PCDH7: variants seen among roughly 807,000 people sequenced by gnomAD.
PCDH7 encodes protocadherin-7.
A neutral mutation model predicts 58.9 loss-of-function variants in PCDH7; 17 were observed. That is an observed-to-expected ratio of 0.29 (90% CI 0.20 to 0.43). The LOEUF is 0.43. PCDH7 is among the 20% of genes least tolerant of loss of function. PCDH7 has a pLI of 1.00. For synonymous variants in PCDH7, 664 were observed against 616.4 expected (o/e 1.08, Z -1.14); for missense variants, 1,274 against 1,441.0 (o/e 0.88, Z 1.88).
intron 2 of PCDH7, chr4:30,935,309 C>A: frequency 1.0e-6 from 1 of 973,850 alleles, no homozygotes; most frequent in Non-Finnish European, 1.2e-6. Context: ...TTCTTACCTC[C>A]AGAAATGTTT....
At chr4:30,754,677 T>C (rs187350666) in intron 1 of PCDH7, among the ~76,000 whole-genome samples, 1 of 152,332 alleles carries the variant, frequency 6.6e-6, no homozygotes. Flanking sequence ...GACACACAGA[T>C]ACCCTTCTAA....
intron 3 of PCDH7, among the ~76,000 whole-genome samples, chr4:30,985,037 G>A (rs941962828): frequency 2.6e-5 from 4 of 152,084 alleles, no homozygotes; most frequent in Non-Finnish European, 2.9e-5. Flanking sequence ...CGTGACCTCC[G>A]CTCACTGCAA....
At position 30,721,076 on chromosome 4, in the gene PCDH7, T is replaced by C. The variant is rs1341322047; in HGVS notation, c.-347T>C. Reference sequence around the variant, plus strand: ...TCTCCGCCCGCTGAGGGGATGACTCTGGGTTGGGGGAGCGCCGAACCCGCG... The same window carrying C: ...TCTCCGCCCGCTGAGGGGATGACTCCGGGTTGGGGGAGCGCCGAACCCGCG... On this transcript the variant is annotated 5_prime_UTR_variant, in exon 1 of 2. Transcript: ENST00000361762. This position sits in a 1 kb window ranked among gnomAD's most constrained non-coding sequence, Gnocchi z 6.7. 1.8e-5 allele frequency: 5 copies of C among 271,760 alleles called. No homozygotes were observed. The highest frequency in any genetic ancestry group is 2.7e-5 in the Non-Finnish European group (4 of 145,960). The allele number at this position is 271,760 out of a possible 1,614,324, so 16.8% of individuals were successfully genotyped here.
At chr4:30,813,920 G>A (rs554166176) in intron 1 of PCDH7, among the ~76,000 whole-genome samples, 8 of 152,264 alleles carry the variant, frequency 5.3e-5, no homozygotes, top group South Asian at 2.1e-4. Flanking sequence ...GATTACAGGC[G>A]TGAGCTACCG....
chr4:30,730,397 T>C (rs1344762429), intron 1 of PCDH7, among the ~76,000 whole-genome samples: 1 of 152,148 alleles, frequency 6.6e-6, no homozygotes, highest in Non-Finnish European at 1.5e-5. Flanking sequence ...AAAAATCACA[T>C]TCTAAGAAGA....
intron 1 of PCDH7, among the ~76,000 whole-genome samples, chr4:30,772,072 G>A (rs536231072): frequency 3.3e-5 from 5 of 152,158 alleles, no homozygotes; most frequent in Admixed American, 1.3e-4. Context: ...GTCTCACCAT[G>A]TTGGCCAGGG....
intron 1 of PCDH7, among the ~76,000 whole-genome samples, chr4:30,751,130 C>T (rs749133152): frequency 1.3e-5 from 2 of 152,200 alleles, no homozygotes; most frequent in Non-Finnish European, 2.9e-5. Context: ...GAATCGTGCA[C>T]AGGTGATTTT....
intron 3 of PCDH7, among the ~76,000 whole-genome samples, chr4:31,084,833 A>C (rs1288698750): frequency 1.3e-5 from 2 of 151,214 alleles, no homozygotes; most frequent in African/African-American, 4.9e-5. Flanking sequence ...ACTTTTAAAC[A>C]ACCAGATCTT....
chr4:30,793,625 A>G (rs772670937), intron 1 of PCDH7, among the ~76,000 whole-genome samples: 5 of 152,198 alleles, frequency 3.3e-5, no homozygotes, highest in Non-Finnish European at 7.3e-5. Context: ...ACTTTAAAAC[A>G]TGAGAATACA....
intron 1 of PCDH7, among the ~76,000 whole-genome samples, chr4:30,780,570 A>G (rs1722651231): frequency 6.6e-6 from 1 of 152,176 alleles, no homozygotes; most frequent in African/African-American, 2.4e-5. Flanking sequence ...CAATAAAATA[A>G]AAGTATGGAC....
chr4:31,135,468 G>T (rs1719486343), intron 3 of PCDH7, among the ~76,000 whole-genome samples: 1 of 152,190 alleles, frequency 6.6e-6, no homozygotes, highest in Admixed American at 6.5e-5. Flanking sequence ...GCCAGCGTAT[G>T]TCTCTAGATA....
chr4:31,122,735 T>A (rs1026385226), intron 3 of PCDH7, among the ~76,000 whole-genome samples: 2 of 152,188 alleles, frequency 1.3e-5, no homozygotes, highest in East Asian at 1.9e-4. Context: ...CCCTTTTTTT[T>A]AAGTAAATTG....
At chr4:31,122,141 C>T (rs1290061350) in intron 3 of PCDH7, among the ~76,000 whole-genome samples, 2 of 152,000 alleles carry the variant, frequency 1.3e-5, no homozygotes, top group Admixed American at 1.3e-4. Context: ...TAATATATAA[C>T]TCATCAGATA....
intron 3 of PCDH7, among the ~76,000 whole-genome samples, chr4:31,120,826 T>G (rs1437001028): frequency 6.6e-6 from 1 of 152,190 alleles, no homozygotes; most frequent in Non-Finnish European, 1.5e-5. Context: ...ACAAATCATT[T>G]GGTATCTGTT....
chr4:30,749,506 T>TTATTC (rs1718227414), intron 1 of PCDH7, among the ~76,000 whole-genome samples: 1 of 152,018 alleles, frequency 6.6e-6, no homozygotes, highest in Admixed American at 6.6e-5. Flanking sequence ...ATGCCTGGAG[T>TTATTC]TATTCTATTT....
intron 1 of PCDH7, among the ~76,000 whole-genome samples, chr4:30,781,516 TATA>T (rs1192471202): frequency 6.6e-6 from 1 of 151,624 alleles, no homozygotes; most frequent in Non-Finnish European, 1.5e-5. Flanking sequence ...GAGGAATTCG[TATA>T]ATATTTTCTA....
intron 3 of PCDH7, among the ~76,000 whole-genome samples, chr4:30,964,004 A>T (rs1362362227): frequency 1.3e-5 from 2 of 152,144 alleles, no homozygotes; most frequent in African/African-American, 4.8e-5. Context: ...TGCTCCTTTG[A>T]TGTATCTTCA....
chr4:31,013,592 TACACAC>T (rs138674335), intron 3 of PCDH7, among the ~76,000 whole-genome samples: 3 of 146,364 alleles, frequency 2.0e-5, no homozygotes, highest in East Asian at 4.1e-4. Context: ...ATATATTTTA[TACACAC>T]ACACACACAC....
chr4:31,146,252 G>T (rs1044352), downstream of PCDH7: 70,156 of 151,572 alleles, frequency 0.46, 16,629 homozygotes, highest in South Asian at 0.59. Context: ...TTGTCAAGAA[G>T]CAAACAGCCA....
Sources: gnomAD v4.1 joint callset for allele counts (sites outside exome capture counted in the v4.1 genomes callset) on GRCh38, gnomAD v4.1.1 for gene constraint, Gnocchi (gnomAD v3.1) non-coding constraint, MANE v1.5 for transcripts, NCBI Gene and HGNC (gene_info 2026-07-23, HGNC 2026-07-21) for gene names.